CDH12: variants seen among roughly 807,000 people sequenced by gnomAD.
CDH12 encodes the protein cadherin 12, also known as cadherin-12.
A neutral mutation model predicts 74.1 loss-of-function variants in CDH12; 41 were observed. That is an observed-to-expected ratio of 0.55 (90% confidence interval 0.43 to 0.72). The LOEUF (loss-of-function observed/expected upper bound fraction) is 0.72. CDH12 is among the 30% of genes least tolerant of loss of function. The pLI is 0.00. For synonymous variants in CDH12, 399 were observed against 355.0 expected (o/e 1.12, Z -1.39); for missense variants, 945 against 977.2 (o/e 0.97, Z 0.44).
intron 4 of CDH12, among the ~76,000 whole-genome samples, chr5:22,100,652 G>GACACACACACACAC (rs150777646): frequency 0.041 from 5,979 of 144,260 alleles, 171 homozygotes; most frequent in Middle Eastern, 0.043. Flanking sequence ...CCATACATTA[G>GACACACACACACAC]ACACACACAC....
intron 5 of CDH12, among the ~76,000 whole-genome samples, chr5:22,062,174 G>A (rs542097795): frequency 5.0e-4 from 76 of 152,160 alleles, no homozygotes; most frequent in African/African-American, 1.7e-3. Context: ...TCAAGGTCCC[G>A]CCAATTCAAT....
In CDH12 at chr5:21,980,159, A is replaced by AACAT. The variant is rs1445934176; in HGVS notation, c.232-4778_232-4775dup. 5.4e-5 allele frequency among the ~76,000 whole-genome samples: 8 copies of AACAT among 148,434 alleles called. No homozygotes were observed. The East Asian group carries it at 1.2e-3, about 22-fold the overall frequency. On this transcript the variant is annotated intron_variant, in intron 5 of 14. Transcript: ENST00000382254. ...AACTTAAAGTATAATAAAAAAAAAA[A>AACAT]ACATACATACATATATGTATGGCAT...
chr5:22,137,086 C>G (rs1036682681), intron 4 of CDH12, among the ~76,000 whole-genome samples: 1 of 151,384 alleles, frequency 6.6e-6, no homozygotes, highest in South Asian at 2.1e-4. Flanking sequence ...TTTAATCTGG[C>G]CTTACAGTAT....
At chr5:21,815,908 T>A (rs534214034) in intron 9 of CDH12, among the ~76,000 whole-genome samples, 1 of 152,276 alleles carries the variant, frequency 6.6e-6, no homozygotes, top group Admixed American at 6.5e-5. Context: ...CAATAAAAAA[T>A]TAGGTTACAA....
chr5:22,758,844 A>G (rs1310347931), intron 1 of CDH12, among the ~76,000 whole-genome samples: 1 of 152,128 alleles, frequency 6.6e-6, no homozygotes, highest in Non-Finnish European at 1.5e-5. Flanking sequence ...AATCATCTTT[A>G]TATTCAGCAT....
intron 1 of CDH12, among the ~76,000 whole-genome samples, chr5:22,596,445 G>T (rs1736612059): frequency 6.6e-6 from 1 of 151,712 alleles, no homozygotes; most frequent in African/African-American, 2.4e-5. Context: ...CCATCTCAAA[G>T]AAAAAAAATA....
intron 4 of CDH12, among the ~76,000 whole-genome samples, chr5:22,181,395 C>T (rs1293543286): frequency 6.6e-6 from 1 of 152,056 alleles, no homozygotes; most frequent in Non-Finnish European, 1.5e-5. Context: ...TTACAGTCTC[C>T]TTAGACATCT....
chr5:22,022,583 T>C (rs1738061294), intron 5 of CDH12, among the ~76,000 whole-genome samples: 1 of 152,302 alleles, frequency 6.6e-6, no homozygotes, highest in Middle Eastern at 3.4e-3. Flanking sequence ...GACGAAATAA[T>C]AGAGCACAGT....
intron 2 of CDH12, among the ~76,000 whole-genome samples, chr5:22,440,149 A>T (rs1457098814): frequency 6.6e-6 from 1 of 152,108 alleles, no homozygotes; most frequent in Non-Finnish European, 1.5e-5. Flanking sequence ...GAAGTGTTAG[A>T]GGGTATGTAG....
intron 1 of CDH12, among the ~76,000 whole-genome samples, chr5:22,524,603 G>C (rs929693674): frequency 3.9e-5 from 6 of 151,970 alleles, no homozygotes; most frequent in African/African-American, 1.4e-4. Context: ...TATTGAACTG[G>C]GGGTGTTCGG....
At chr5:22,430,454 A>C (rs1744123243) in intron 2 of CDH12, among the ~76,000 whole-genome samples, 1 of 152,196 alleles carries the variant, frequency 6.6e-6, no homozygotes, top group African/African-American at 2.4e-5. Flanking sequence ...AATTAGCAGA[A>C]TTGAAATAGA....
At chr5:22,813,905 A>T (rs1749266560) in intron 1 of CDH12, among the ~76,000 whole-genome samples, 1 of 152,168 alleles carries the variant, frequency 6.6e-6, no homozygotes, top group South Asian at 2.1e-4. Context: ...CAGCTATGTC[A>T]TGCCCTGACT....
At chr5:22,272,608 G>A (rs894076555) in intron 3 of CDH12, among the ~76,000 whole-genome samples, 2 of 152,122 alleles carry the variant, frequency 1.3e-5, no homozygotes, top group African/African-American at 4.8e-5. Context: ...AGATGTGGTA[G>A]TCTTCCTTTC....
intron 3 of CDH12, among the ~76,000 whole-genome samples, chr5:22,362,390 C>T (rs1415572693): frequency 2.0e-5 from 3 of 152,296 alleles, no homozygotes; most frequent in Admixed American, 6.5e-5. Context: ...GATACCATCT[C>T]ACACCAGTTA....
intron 3 of CDH12, among the ~76,000 whole-genome samples, chr5:22,318,450 T>C (rs1162667334): frequency 1.3e-5 from 2 of 152,218 alleles, no homozygotes; most frequent in Admixed American, 1.3e-4. Flanking sequence ...ATTTCCCTCA[T>C]GTGAAATGTG....
intron 1 of CDH12, among the ~76,000 whole-genome samples, chr5:22,729,767 G>C (rs1441012323): frequency 6.6e-6 from 1 of 151,990 alleles, no homozygotes; most frequent in Non-Finnish European, 1.5e-5. Context: ...CAGCACAGCA[G>C]GTAAGAATGC....
chr5:22,301,825 C>CATTT (rs1366832012), intron 3 of CDH12, among the ~76,000 whole-genome samples: 1 of 151,400 alleles, frequency 6.6e-6, no homozygotes. Context: ...TTCATTCATT[C>CATTT]ATTTATTTAT....
chr5:22,308,809 AACACACAC>A (rs774664506), intron 3 of CDH12, among the ~76,000 whole-genome samples: 19 of 85,314 alleles, frequency 2.2e-4, no homozygotes, highest in Middle Eastern at 5.0e-3. Context: ...CAAATACACA[AACACACAC>A]ACACACACAC....
At chr5:22,359,476 T>C (rs1740706350) in intron 3 of CDH12, among the ~76,000 whole-genome samples, 1 of 152,062 alleles carries the variant, frequency 6.6e-6, no homozygotes, top group South Asian at 2.1e-4. Flanking sequence ...CACACAATAA[T>C]AATGGGAGAC....
Sources: allele counts gnomAD v4.1 joint callset (sites outside exome capture counted in the v4.1 genomes callset), GRCh38; gene constraint gnomAD v4.1.1; transcripts MANE v1.5; gene names NCBI Gene and HGNC (gene_info 2026-07-23, HGNC 2026-07-21).